The following ANKS1B variants were observed in gnomAD, a reference collection of about 807,000 sequenced individuals.
ANKS1B encodes ankyrin repeat and sterile alpha motif domain-containing protein 1B.
ANKS1B carries 36 observed loss-of-function variants against 148.3 expected under a neutral mutation model. That is an observed-to-expected ratio of 0.24 (90% CI 0.19 to 0.32). The LOEUF is 0.32. Ranked by LOEUF, ANKS1B falls within the 10% of genes least tolerant of loss-of-function variation. The pLI is 1.00. For missense variants in ANKS1B, 1,157 were observed against 1,542.6 expected (o/e 0.75, Z 4.19); for synonymous variants, 542 against 560.8 (o/e 0.97, Z 0.47).
At position 99,095,188 on chromosome 12, in the gene ANKS1B, A is replaced by T. The variant is rs75819463; in HGVS notation, c.2527-10165T>A. On this transcript the variant is annotated intron_variant, in intron 15 of 26. Transcript: ENST00000683438. ...TACCTACGAAAATGAAAATGTTCAGACTCCATGGACCCAGCAATTCTGTTT... is the reference window on the plus strand; with the variant it reads ...TACCTACGAAAATGAAAATGTTCAGTCTCCATGGACCCAGCAATTCTGTTT... Among the ~76,000 whole-genome samples, 608 of 152,256 alleles carry T rather than the reference A, an allele frequency of 4.0e-3. 24 individuals carry two copies. In the East Asian group the frequency reaches 0.084, roughly 21 times the overall value.
At chr12:99,465,647 T>A (rs2152878987) in intron 10 of ANKS1B, among the ~76,000 whole-genome samples, 1 of 152,228 alleles carries the variant, frequency 6.6e-6, no homozygotes, top group East Asian at 1.9e-4. Flanking sequence ...GCAATCCTAG[T>A]CTCTGATAAA....
At chr12:98,999,950 C>T (rs925394809) in intron 17 of ANKS1B, among the ~76,000 whole-genome samples, 4 of 152,060 alleles carry the variant, frequency 2.6e-5, no homozygotes, top group Non-Finnish European at 4.4e-5. Flanking sequence ...GCAAATTTTA[C>T]GAGAGTGATG....
At chr12:99,972,870 T>C (rs1050394450) in intron 1 of ANKS1B, among the ~76,000 whole-genome samples, 4 of 152,324 alleles carry the variant, frequency 2.6e-5, no homozygotes, top group Middle Eastern at 3.4e-3. Context: ...TTAATGTAGC[T>C]GGTGACTTTA....
chr12:99,246,576 T>C lies in ANKS1B; in HGVS notation c.2045A>G (p.Glu682Gly), dbSNP rs924230843. ...TCTTGTGCCAACAATGGTATGGTTT[T>C]CGAGTTGGTTGCTTTTTTTGTGAAA... is the stretch of plus-strand genomic sequence containing the variant. ...TIFHKKSNQL[E>G]NHTIVGTRST... Residue 682 changes from glutamate to glycine, a missense_variant, in exon 13 of 27, where the codon GAA becomes GGA. Physicochemically the swap from Glu to Gly is moderately conservative, Grantham distance 98. Around this residue, in one of 6 missense-constraint regions of ANKS1B, gnomAD observed 661 missense variants for 642.1 expected, o/e 1.03. Coordinates refer to ENST00000683438, the MANE Select transcript of ANKS1B (RefSeq NM_001352186.2). 20 of 1,613,786 alleles carry C rather than the reference T, an allele frequency of 1.2e-5. No homozygotes were observed. The highest frequency in any genetic ancestry group is 1.4e-5 in the Non-Finnish European group (17 of 1,179,792).
rs753209726 is a variant in ANKS1B, at chr12:99,655,187, C to T, written c.1152G>A (p.Leu384=). ...QSVRTSSTIN[L]SPGEVEEEDD... The stretch of plus-strand genomic sequence containing the variant: ...CCTCTTCTTCCACTTCTCCTGGTGA[C>T]AAATTGATTGTAGATGAGGTTCTCT... Residue 384 remains leucine, a synonymous_variant, in exon 9 of 27, where the codon TTG becomes TTA. Transcript: ENST00000683438. 19 of 1,610,698 alleles carry T rather than the reference C, an allele frequency of 1.2e-5. No homozygotes were observed. The highest frequency in any genetic ancestry group is 1.3e-5 in the Non-Finnish European group (15 of 1,178,130).
chr12:99,570,310 T>C lies in ANKS1B; in HGVS notation c.1273-65669A>G, dbSNP rs1271488672. On this transcript the variant is annotated intron_variant, in intron 9 of 26. Coordinates refer to ENST00000683438, the MANE Select transcript of ANKS1B (RefSeq NM_001352186.2). ...CAAATGATATTAATAATTATTAATA[T>C]TGTTGTTCTTGAGCTTTATAATACT... 4.0e-5 allele frequency among the ~76,000 whole-genome samples: 6 copies of C among 151,494 alleles called. No homozygotes were observed. In the East Asian group the frequency reaches 7.8e-4, roughly 20 times the overall value.
intron 6 of ANKS1B, among the ~76,000 whole-genome samples, chr12:99,777,526 C>T (rs2063771060): frequency 6.6e-6 from 1 of 152,170 alleles, no homozygotes; most frequent in Admixed American, 6.5e-5. Context: ...ATTTATTTTG[C>T]TTTTCCCAAA....
At chr12:98,928,403 A>T (rs1474107205) in intron 17 of ANKS1B, among the ~76,000 whole-genome samples, 1 of 151,994 alleles carries the variant, frequency 6.6e-6, no homozygotes, top group Non-Finnish European at 1.5e-5. Flanking sequence ...AAAAAATAGA[A>T]AGGGAAGGAA....
At chr12:99,541,868 T>C (rs750832789) in intron 9 of ANKS1B, among the ~76,000 whole-genome samples, 1 of 145,498 alleles carries the variant, frequency 6.9e-6, no homozygotes. Flanking sequence ...AAAAAAAGAG[T>C]AACATGCTTC....
intron 11 of ANKS1B, among the ~76,000 whole-genome samples, chr12:99,425,920 G>A (rs937244829): frequency 6.6e-6 from 1 of 152,060 alleles, no homozygotes; most frequent in Non-Finnish European, 1.5e-5. Flanking sequence ...ATGAAGTCAA[G>A]GCTATTTATC....
At chr12:99,131,572 T>C (rs954555752) in intron 15 of ANKS1B, among the ~76,000 whole-genome samples, 17 of 152,166 alleles carry the variant, frequency 1.1e-4, no homozygotes, top group African/African-American at 4.1e-4. Context: ...TGTAAAGTTA[T>C]TTTTCCTAAT....
rs752649896 is a variant in ANKS1B, at chr12:99,504,437, G to C, written c.1438+39C>G. On this transcript the variant is annotated intron_variant, in intron 10 of 26. Transcript: ENST00000683438. ...GATGCATCTTCATATGAATAAGCAA[G>C]TAAATTGAATCAGGCCAATTGTGAG... The C allele has an allele frequency of 2.0e-5, 32 of 1,587,272 alleles. No homozygotes were observed. The East Asian group carries it at 6.8e-4, about 34-fold the overall frequency.
At chr12:99,444,421 T>C (rs923298567) in intron 10 of ANKS1B, among the ~76,000 whole-genome samples, 10 of 151,988 alleles carry the variant, frequency 6.6e-5, no homozygotes, top group Non-Finnish European at 1.5e-4. Flanking sequence ...CAAAGCTAAA[T>C]GAATAAAATT....
At chr12:98,993,895 C>T (rs935636299) in intron 17 of ANKS1B, among the ~76,000 whole-genome samples, 1 of 152,104 alleles carries the variant, frequency 6.6e-6, no homozygotes, top group African/African-American at 2.4e-5. Flanking sequence ...TAATGGAGGT[C>T]TAGTGTATTC....
At chr12:99,333,519 CT>C (rs1316302763) in intron 12 of ANKS1B, among the ~76,000 whole-genome samples, 5 of 149,822 alleles carry the variant, frequency 3.3e-5, no homozygotes, top group Non-Finnish European at 5.9e-5. Context: ...TCTTAACGTT[CT>C]TTGGGTCACC....
intron 8 of ANKS1B, among the ~76,000 whole-genome samples, chr12:99,678,373 A>C (rs1220181218): frequency 6.6e-6 from 1 of 152,244 alleles, no homozygotes; most frequent in Non-Finnish European, 1.5e-5. Context: ...GAGGCTAGAA[A>C]GAACCTGGAA....
intron 17 of ANKS1B, among the ~76,000 whole-genome samples, chr12:98,956,746 G>C (rs571063910): frequency 1.1e-4 from 17 of 152,058 alleles, no homozygotes; most frequent in Non-Finnish European, 1.8e-4. Flanking sequence ...ACTTACAGTC[G>C]TCATACAGTA....
At chr12:99,319,006 T>C (rs542837871) in intron 12 of ANKS1B, among the ~76,000 whole-genome samples, 91 of 152,352 alleles carry the variant, frequency 6.0e-4, no homozygotes, top group African/African-American at 2.1e-3. Flanking sequence ...AATCTTGAGT[T>C]CTAGTTTGAT....
intron 12 of ANKS1B, among the ~76,000 whole-genome samples, chr12:99,283,019 C>A (rs755479642): frequency 6.6e-6 from 1 of 152,002 alleles, no homozygotes; most frequent in Non-Finnish European, 1.5e-5. Context: ...AGCATTCTGA[C>A]GTTTAGGGGT....
Sources: allele counts gnomAD v4.1 joint callset (sites outside exome capture counted in the v4.1 genomes callset), GRCh38; gene constraint gnomAD v4.1.1; regional missense constraint gnomAD v4.1.1; transcripts MANE v1.5; gene names NCBI Gene and HGNC (gene_info 2026-07-23, HGNC 2026-07-21).